The following WASF1 variants were observed in gnomAD, a reference collection of about 807,000 sequenced individuals.
WASF1 encodes WASP family member 1, also known as actin-binding protein WASF1.
A neutral mutation model predicts 50.5 loss-of-function variants in WASF1; 7 were observed. The observed-to-expected ratio is 0.14, with a 90% confidence interval of 0.08 to 0.26. WASF1 has a LOEUF of 0.26. Ranked by LOEUF, WASF1 falls within the 10% of genes least tolerant of loss-of-function variation. The probability of loss-of-function intolerance (pLI) is 1.00; values close to 1 mark genes in which losing one functional copy is unlikely to be tolerated. For synonymous variants in WASF1, 205 were observed against 244.0 expected, an observed-to-expected ratio of 0.84 and a Z score of 1.49; for missense variants, 470 against 694.7, an observed-to-expected ratio of 0.68 and a Z score of 3.64.
At chr6:110,129,174 A>G (rs1319665352) in intron 3 of WASF1, among the ~76,000 whole-genome samples, 1 of 152,202 alleles carries the variant, frequency 6.6e-6, no homozygotes, top group East Asian at 1.9e-4. Context: ...CTGTTAGTCA[A>G]TTCACCTACA....
At chr6:110,130,458 T>C (rs1774612989) in intron 3 of WASF1, among the ~76,000 whole-genome samples, 1 of 152,224 alleles carries the variant, frequency 6.6e-6, no homozygotes, top group Non-Finnish European at 1.5e-5. Flanking sequence ...TGATAGCTTT[T>C]TGAAGTTTAT....
intron 3 of WASF1, among the ~76,000 whole-genome samples, chr6:110,149,581 C>T (rs1368103108): frequency 1.3e-5 from 2 of 151,602 alleles, no homozygotes; most frequent in Admixed American, 6.6e-5. Context: ...AATTCATATC[C>T]GATTTTTGTA....
chr6:110,159,379 A>G (rs550655231), intron 3 of WASF1, among the ~76,000 whole-genome samples: 10 of 152,038 alleles, frequency 6.6e-5, no homozygotes, highest in African/African-American at 2.4e-4. Context: ...TAAGGTGAGA[A>G]CCATTGATGT....
chr6:110,108,813 C>T, intron 5 of WASF1, 132 bp from the exon 6 acceptor site: 1 of 727,606 alleles, frequency 1.4e-6, no homozygotes, highest in Non-Finnish European at 2.2e-6. Context: ...GCTTATGAAT[C>T]AGAAACCATA....
intron 7 of WASF1, among the ~76,000 whole-genome samples, chr6:110,105,870 GAA>G (rs1489606318): frequency 1.3e-5 from 2 of 152,082 alleles, no homozygotes; most frequent in Non-Finnish European, 2.9e-5. Flanking sequence ...TCTTTCAGAT[GAA>G]AAAAGACTCA....
At chr6:110,170,889 A>G (rs1776684933) in intron 2 of WASF1, among the ~76,000 whole-genome samples, 1 of 152,146 alleles carries the variant, frequency 6.6e-6, no homozygotes, top group African/African-American at 2.4e-5. Flanking sequence ...CAAATTCTCC[A>G]AGACCTAATG....
At chr6:110,125,628 T>G (rs909992527) in intron 4 of WASF1, among the ~76,000 whole-genome samples, 2 of 152,220 alleles carry the variant, frequency 1.3e-5, no homozygotes, top group African/African-American at 4.8e-5. Flanking sequence ...TTCTCAACTA[T>G]GTCAAGTGGG....
chr6:110,121,744 T>C (rs866695795), intron 4 of WASF1, among the ~76,000 whole-genome samples: 5 of 152,206 alleles, frequency 3.3e-5, no homozygotes, highest in Middle Eastern at 3.2e-3. Flanking sequence ...TGTATGTTTA[T>C]TGTGGCACTA....
At chr6:110,146,414 T>G (rs1212663587) in intron 3 of WASF1, among the ~76,000 whole-genome samples, 1 of 151,736 alleles carries the variant, frequency 6.6e-6, no homozygotes, top group Non-Finnish European at 1.5e-5. Context: ...AGAAATAATT[T>G]TCTTAATAAA....
chr6:110,149,187 G>C (rs1775712691), intron 3 of WASF1, among the ~76,000 whole-genome samples: 2 of 152,152 alleles, frequency 1.3e-5, no homozygotes, highest in African/African-American at 4.8e-5. Flanking sequence ...AGAACATTTA[G>C]TGGCTTTCCT....
intron 3 of WASF1, among the ~76,000 whole-genome samples, chr6:110,152,539 T>G (rs576330495): frequency 4.6e-5 from 7 of 152,254 alleles, no homozygotes; most frequent in African/African-American, 1.7e-4. Flanking sequence ...TCTGTACTTG[T>G]TAGATATTAA....
At chr6:110,154,434 C>T (rs1013001487) in intron 3 of WASF1, among the ~76,000 whole-genome samples, 3 of 151,930 alleles carry the variant, frequency 2.0e-5, no homozygotes, top group African/African-American at 7.2e-5. Context: ...TATATTAATA[C>T]AGGCATGGTT....
intron 3 of WASF1, among the ~76,000 whole-genome samples, chr6:110,147,940 T>C (rs1775646877): frequency 6.6e-6 from 1 of 152,060 alleles, no homozygotes; most frequent in South Asian, 2.1e-4. Flanking sequence ...AGAGACGAGA[T>C]TTTGCCATGT....
intron 2 of WASF1, among the ~76,000 whole-genome samples, chr6:110,172,623 CTT>C (rs1478319149): frequency 2.6e-5 from 4 of 152,116 alleles, no homozygotes; most frequent in Admixed American, 2.6e-4. Context: ...GAAATAATCT[CTT>C]TTGCAGCAAC....
At chr6:110,138,070 G>T (rs1369941198) in intron 3 of WASF1, among the ~76,000 whole-genome samples, 5 of 152,230 alleles carry the variant, frequency 3.3e-5, no homozygotes, top group Non-Finnish European at 7.3e-5. Context: ...ACCTGCCAAG[G>T]GTGAGCCAGG....
chr6:110,152,038 G>C (rs1431303954), intron 3 of WASF1, among the ~76,000 whole-genome samples: 1 of 152,150 alleles, frequency 6.6e-6, no homozygotes. Context: ...ATGATATCCA[G>C]TCCCTAGCAC....
At chr6:110,152,092 A>C (rs1324555519) in intron 3 of WASF1, among the ~76,000 whole-genome samples, 1 of 152,210 alleles carries the variant, frequency 6.6e-6, no homozygotes, top group Non-Finnish European at 1.5e-5. Flanking sequence ...TTTTAAAGAT[A>C]TAATTATGGT....
intron 3 of WASF1, among the ~76,000 whole-genome samples, chr6:110,140,869 G>A (rs148560929): frequency 3.9e-5 from 6 of 152,292 alleles, no homozygotes; most frequent in Non-Finnish European, 8.8e-5. Flanking sequence ...AAGGAGCCAT[G>A]ACAATGTCAA....
chr6:110,103,283 A>G, intron 9 of WASF1, 95 bp downstream of exon 9: 1 of 1,374,726 alleles, frequency 7.3e-7, no homozygotes, highest in Non-Finnish European at 9.8e-7. Flanking sequence ...CAAAAACTGT[A>G]AGGCCCGAAA....
Sources: allele counts gnomAD v4.1 joint callset (sites outside exome capture counted in the v4.1 genomes callset), GRCh38; gene constraint gnomAD v4.1.1; transcripts MANE v1.5; gene names NCBI Gene and HGNC (gene_info 2026-07-23, HGNC 2026-07-21).